The following COMMD1 variants were observed in gnomAD, a reference collection of about 807,000 sequenced individuals.
COMMD1 encodes COMM domain-containing protein 1.
COMMD1 carries 10 observed loss-of-function variants against 17.2 expected under a neutral mutation model. The observed-to-expected ratio is 0.58, with a 90% CI of 0.36 to 0.99. The LOEUF is 0.99. COMMD1 is among the 50% of genes least tolerant of loss of function. COMMD1 has a pLI of 0.01. For synonymous variants in COMMD1, 97 were observed against 91.6 expected (o/e 1.06, Z -0.34); for missense variants, 270 against 231.8 (o/e 1.17, Z -1.07).
At chr2:61,977,070 C>T (rs1482246021) in intron 1 of COMMD1, among the ~76,000 whole-genome samples, 1 of 151,814 alleles carries the variant, frequency 6.6e-6, no homozygotes, top group Non-Finnish European at 1.5e-5. Flanking sequence ...GATCTGCCCA[C>T]CTCGGCCTCC....
At chr2:61,899,718 A>G (rs1669619957) in intron 1 of COMMD1, among the ~76,000 whole-genome samples, 1 of 152,174 alleles carries the variant, frequency 6.6e-6, no homozygotes, top group Admixed American at 6.5e-5. Context: ...TCTGTCGCCC[A>G]GGCTGGAGTA....
At chr2:61,901,025 C>T (rs531821956), upstream of COMMD1, among the ~76,000 whole-genome samples, 2 of 152,216 alleles carry the variant, frequency 1.3e-5, no homozygotes, top group African/African-American at 2.4e-5. Flanking sequence ...CGGCTCACTG[C>T]AACCTCCACC....
In COMMD1 at chr2:62,118,630, A is replaced by T. The variant is rs183303450; in HGVS notation, c.463-17201A>T. The stretch of plus-strand genomic sequence containing the variant: ...CATGGCAGGCAAGACACTTAATAGG[A>T]TCTAGTTGTGGGGTAGGAGAGATTT... On this transcript the variant is annotated intron_variant, in intron 2 of 2. Transcript: ENST00000311832. 2.0e-5 allele frequency among the ~76,000 whole-genome samples: 3 copies of T among 152,264 alleles called. No homozygotes were observed. In the East Asian group the frequency reaches 5.8e-4, roughly 29 times the overall value.
chr2:62,045,925 C>T (rs759317288), intron 2 of COMMD1, among the ~76,000 whole-genome samples: 29 of 151,420 alleles, frequency 1.9e-4, no homozygotes, highest in East Asian at 1.4e-3. Context: ...TCAGTAGAGA[C>T]GGGGTTTCAC....
At chr2:61,940,486 A>T (rs1435968298) in intron 1 of COMMD1, among the ~76,000 whole-genome samples, 1 of 152,144 alleles carries the variant, frequency 6.6e-6, no homozygotes, top group Non-Finnish European at 1.5e-5. Context: ...CTTTTCTGGT[A>T]AAAAAGGGTT....
intron 2 of COMMD1, among the ~76,000 whole-genome samples, chr2:62,017,003 C>T (rs572894365): frequency 3.3e-5 from 5 of 152,220 alleles, no homozygotes; most frequent in Non-Finnish European, 5.9e-5. Flanking sequence ...GTAAATTTAT[C>T]ATGTTTCTGA....
chr2:61,963,096 G>T (rs899893823), intron 1 of COMMD1, among the ~76,000 whole-genome samples: 3 of 150,718 alleles, frequency 2.0e-5, no homozygotes, highest in African/African-American at 7.3e-5. Flanking sequence ...GGAGGCGGAG[G>T]TTACAGTGAG....
intron 2 of COMMD1, among the ~76,000 whole-genome samples, chr2:62,033,823 A>G (rs1207116296): frequency 6.6e-6 from 1 of 151,882 alleles, no homozygotes; most frequent in Non-Finnish European, 1.5e-5. Flanking sequence ...AAATATATCA[A>G]AAGAGGCTGG....
chr2:61,930,617 T>TTG (rs59488185), intron 1 of COMMD1, among the ~76,000 whole-genome samples: 21,124 of 145,954 alleles, frequency 0.14, 1,772 homozygotes, highest in East Asian at 0.34. Flanking sequence ...CCACAGGGTT[T>TTG]TGTGTGTGTG....
At chr2:61,902,030 A>C (rs534442909), upstream of COMMD1, among the ~76,000 whole-genome samples, 3 of 151,898 alleles carry the variant, frequency 2.0e-5, no homozygotes, top group South Asian at 6.2e-4. Context: ...ATGAAGTTTC[A>C]CCATGTTGGC....
intron 1 of COMMD1, among the ~76,000 whole-genome samples, chr2:61,896,764 T>A (rs903778879): frequency 6.6e-6 from 1 of 151,982 alleles, no homozygotes; most frequent in Non-Finnish European, 1.5e-5. Flanking sequence ...TTTTTCTTCC[T>A]GAAAGCAGAA....
chr2:62,109,470 T>C (rs1672396905), intron 2 of COMMD1, among the ~76,000 whole-genome samples: 1 of 152,248 alleles, frequency 6.6e-6, no homozygotes, highest in South Asian at 2.1e-4. Flanking sequence ...TTAGCGTTTG[T>C]CCAATGCTTT....
chr2:61,937,334 C>T (rs898649669), intron 1 of COMMD1, among the ~76,000 whole-genome samples: 6 of 152,124 alleles, frequency 3.9e-5, no homozygotes, highest in African/African-American at 1.4e-4. Context: ...TGAGAGCCTT[C>T]GAATTTTCCC....
At chr2:62,107,760 C>G (rs1408776384) in intron 2 of COMMD1, among the ~76,000 whole-genome samples, 1 of 152,134 alleles carries the variant, frequency 6.6e-6, no homozygotes, top group Non-Finnish European at 1.5e-5. Flanking sequence ...TTTTAGAACT[C>G]TAAGTTTTAT....
chr2:62,041,998 C>G (rs915267569), intron 2 of COMMD1, among the ~76,000 whole-genome samples: 5 of 152,210 alleles, frequency 3.3e-5, no homozygotes, highest in African/African-American at 1.2e-4. Flanking sequence ...TGGTGGCCTG[C>G]TTTTTATTCC....
At chr2:62,084,241 A>G (rs559571065) in intron 2 of COMMD1, among the ~76,000 whole-genome samples, 1 of 152,312 alleles carries the variant, frequency 6.6e-6, no homozygotes, top group East Asian at 1.9e-4. Context: ...AAAAATCTAC[A>G]TATAATTTTG....
chr2:62,082,230 A>G (rs1671543620), intron 2 of COMMD1, among the ~76,000 whole-genome samples: 1 of 152,244 alleles, frequency 6.6e-6, no homozygotes, highest in Non-Finnish European at 1.5e-5. Context: ...ACAACAGAAC[A>G]TAGACTTTTT....
chr2:62,103,632 C>T (rs568119163), intron 2 of COMMD1, among the ~76,000 whole-genome samples: 2 of 152,312 alleles, frequency 1.3e-5, no homozygotes, highest in Admixed American at 1.3e-4. Flanking sequence ...ACTGGGCAGA[C>T]CAATTGAGCA....
intron 1 of COMMD1, among the ~76,000 whole-genome samples, chr2:61,917,791 A>G (rs1274649891): frequency 6.6e-6 from 1 of 152,226 alleles, no homozygotes; most frequent in East Asian, 1.9e-4. Context: ...TTGGCTTCCC[A>G]AAGTGCTGGG....
Sources: allele counts gnomAD v4.1 joint callset (sites outside exome capture counted in the v4.1 genomes callset), GRCh38; gene constraint gnomAD v4.1.1; transcripts MANE v1.5; gene names NCBI Gene and HGNC (gene_info 2026-07-23, HGNC 2026-07-21).